ZBTB20: variants seen among roughly 807,000 people sequenced by gnomAD.
ZBTB20 encodes zinc finger and BTB domain-containing protein 20.
A neutral mutation model predicts 56.9 loss-of-function variants in ZBTB20; 9 were observed. The observed-to-expected ratio is 0.16, with a 90% confidence interval of 0.10 to 0.28. ZBTB20 has a LOEUF of 0.28. Among genes scored for constraint, ZBTB20 ranks in the 10% least tolerant of loss-of-function variants. The probability of loss-of-function intolerance (pLI) is 1.00; values close to 1 mark genes in which losing one functional copy is unlikely to be tolerated. For synonymous variants in ZBTB20, 417 were observed against 420.7 expected (o/e 0.99, Z 0.11); for missense variants, 655 against 1,003.0 (o/e 0.65, Z 4.69).
chr3:114,854,850 G>A (rs544861753), intron 4 of ZBTB20, among the ~76,000 whole-genome samples: 1 of 152,248 alleles, frequency 6.6e-6, no homozygotes, highest in Non-Finnish European at 1.5e-5. Context: ...TTTATTCAAT[G>A]AATCATTTCA....
intron 4 of ZBTB20, among the ~76,000 whole-genome samples, chr3:114,804,054 A>G (rs1222417248): frequency 6.6e-6 from 1 of 152,004 alleles, no homozygotes; most frequent in Non-Finnish European, 1.5e-5. Flanking sequence ...AATCAATGCA[A>G]TATACAAAAT....
intron 5 of ZBTB20, among the ~76,000 whole-genome samples, chr3:114,724,202 AGTAGAGGAAAAGGAAG>A (rs1253788451): frequency 5.9e-5 from 9 of 152,144 alleles, no homozygotes; most frequent in African/African-American, 2.2e-4. Flanking sequence ...TCTTAAGGGA[AGTAGAGGAAAAGGAAG>A]ACTGTAAAAA....
Position 114,713,619 on chromosome 3 carries a change from G to T in ZBTB20, c.-342-20044C>A, listed in dbSNP as rs73857641. 3.1e-3 allele frequency among the ~76,000 whole-genome samples: 470 copies of T among 152,220 alleles called. 6 individuals carry two copies. Among genetic ancestry groups the T allele is most frequent in the African/African-American group, 0.011 (456 of 41,538 alleles). On this transcript the variant is annotated intron_variant, in intron 5 of 11. Transcript: ENST00000675478. ...GGCACAGAATAGCCATTGGAATCTG[G>T]ATTAGAGTCTGAAAAACACTGCATT...
chr3:114,343,734 C>A (rs1233577757), intron 11 of ZBTB20, among the ~76,000 whole-genome samples: 6 of 152,212 alleles, frequency 3.9e-5, no homozygotes, highest in Non-Finnish European at 7.3e-5. Context: ...TAGTCTCCGT[C>A]AAGAGACGTC....
chr3:114,587,037 C>G (rs944858822), intron 6 of ZBTB20, among the ~76,000 whole-genome samples: 1 of 143,596 alleles, frequency 7.0e-6, no homozygotes, highest in African/African-American at 2.6e-5. Context: ...ACTCTTGTCA[C>G]CCAGGCTGGA....
At chr3:114,778,532 C>T (rs79634849) in intron 5 of ZBTB20, among the ~76,000 whole-genome samples, 8,991 of 152,056 alleles carry the variant, frequency 0.059, 292 homozygotes, top group Middle Eastern at 0.13. Context: ...TTCTTCTTAG[C>T]TATATGGCTT....
chr3:115,070,766 A>C (rs1185237923), intron 2 of ZBTB20, among the ~76,000 whole-genome samples: 2 of 152,114 alleles, frequency 1.3e-5, no homozygotes, highest in Non-Finnish European at 2.9e-5. Context: ...CAGCATAAGA[A>C]GACTCCTACC....
chr3:114,890,096 C>A (rs1446815574), intron 4 of ZBTB20, among the ~76,000 whole-genome samples: 1 of 152,088 alleles, frequency 6.6e-6, no homozygotes, highest in African/African-American at 2.4e-5. Flanking sequence ...TATTTCTAAA[C>A]CCTGTACTCT....
At chr3:114,569,485 T>G (rs1401182099) in intron 6 of ZBTB20, among the ~76,000 whole-genome samples, 1 of 152,236 alleles carries the variant, frequency 6.6e-6, no homozygotes, top group Non-Finnish European at 1.5e-5. Context: ...AAACTCTCCA[T>G]GATCCTCTCT....
chr3:114,647,264 G>A (rs543775871), intron 6 of ZBTB20, among the ~76,000 whole-genome samples: 45 of 152,286 alleles, frequency 3.0e-4, no homozygotes, highest in Non-Finnish European at 5.3e-4. Context: ...GGCCAAGGCA[G>A]TTTTATACTT....
chr3:114,992,744 A>T (rs897284243), intron 2 of ZBTB20, among the ~76,000 whole-genome samples: 2 of 151,954 alleles, frequency 1.3e-5, no homozygotes, highest in African/African-American at 2.4e-5. Flanking sequence ...TCTATAGACT[A>T]GCCCAGAGAC....
intron 5 of ZBTB20, among the ~76,000 whole-genome samples, chr3:114,795,458 T>C (rs1437387785): frequency 6.6e-6 from 1 of 152,100 alleles, no homozygotes; most frequent in African/African-American, 2.4e-5. Context: ...TTTTAGTTCT[T>C]TGAATACAGA....
At position 114,896,050 on chromosome 3, in the gene ZBTB20, G is replaced by A. The variant is rs151222902; in HGVS notation, c.-417+4254C>T. On this transcript the variant is annotated intron_variant, in intron 4 of 11. Coordinates refer to ENST00000675478, the MANE Select transcript of ZBTB20 (RefSeq NM_001348800.3). ...TGATTTATTTAAGGAATTCACAGGCGTGTTGAAAGCATTTGAACTCACATA... is the reference window on the plus strand; with the variant it reads ...TGATTTATTTAAGGAATTCACAGGCATGTTGAAAGCATTTGAACTCACATA... Among the ~76,000 whole-genome samples the A allele has an allele frequency of 2.5e-3, 377 of 152,242 alleles. 1 individual carries two copies. The highest frequency in any genetic ancestry group is 8.6e-3 in the African/African-American group (357 of 41,556).
chr3:115,003,149 G>A (rs2079319523), intron 2 of ZBTB20, among the ~76,000 whole-genome samples: 2 of 151,714 alleles, frequency 1.3e-5, no homozygotes, highest in South Asian at 2.1e-4. Flanking sequence ...TTGGAAATGG[G>A]GAGGGATAAA....
intron 3 of ZBTB20, among the ~76,000 whole-genome samples, chr3:114,932,404 G>C (rs1488339169): frequency 6.6e-6 from 1 of 152,148 alleles, no homozygotes; most frequent in Non-Finnish European, 1.5e-5. Context: ...GCCACTGCTG[G>C]ACCTAGAATC....
At chr3:114,843,919 T>C (rs2074517936) in intron 4 of ZBTB20, among the ~76,000 whole-genome samples, 1 of 151,530 alleles carries the variant, frequency 6.6e-6, no homozygotes, top group Non-Finnish European at 1.5e-5. Context: ...ACTCCTAACC[T>C]CAGGTGATCC....
chr3:115,046,309 T>G (rs2081331464), intron 2 of ZBTB20, among the ~76,000 whole-genome samples: 1 of 152,114 alleles, frequency 6.6e-6, no homozygotes, highest in Non-Finnish European at 1.5e-5. Flanking sequence ...ATCCATCTTT[T>G]GACAGCACTC....
At chr3:114,486,437 G>A (rs541795036) in intron 7 of ZBTB20, among the ~76,000 whole-genome samples, 1 of 152,226 alleles carries the variant, frequency 6.6e-6, no homozygotes, top group Non-Finnish European at 1.5e-5. Context: ...AACAGTGTTA[G>A]GATTCTTCCT....
At chr3:115,077,108 G>A (rs2082624064) in intron 1 of ZBTB20, among the ~76,000 whole-genome samples, 1 of 152,070 alleles carries the variant, frequency 6.6e-6, no homozygotes, top group African/African-American at 2.4e-5. Context: ...GGGGCGTGGC[G>A]AGCAGGGGTG....
Sources: allele counts gnomAD v4.1 joint callset (sites outside exome capture counted in the v4.1 genomes callset), GRCh38; gene constraint gnomAD v4.1.1; transcripts MANE v1.5; gene names NCBI Gene and HGNC (gene_info 2026-07-23, HGNC 2026-07-21).